The following UBE3A variants were observed in gnomAD, a reference collection of about 807,000 sequenced individuals.
UBE3A encodes ubiquitin-protein ligase E3A.
A neutral mutation model predicts 83.4 loss-of-function variants in UBE3A; 6 were observed. The ratio of observed to expected loss-of-function variants is 0.07; its 90% CI spans 0.04 to 0.14. The LOEUF (loss-of-function observed/expected upper bound fraction) is 0.14. Ranked by LOEUF, UBE3A falls within the 10% of genes least tolerant of loss-of-function variation. UBE3A has a pLI of 1.00. For synonymous variants in UBE3A, 337 were observed against 355.4 expected (o/e 0.95, Z 0.58); for missense variants, 456 against 1,036.1 (o/e 0.44, Z 7.69).
At chr15:25,429,214 A>G (rs774510533) in intron 1 of UBE3A, among the ~76,000 whole-genome samples, 1 of 152,230 alleles carries the variant, frequency 6.6e-6, no homozygotes, top group Non-Finnish European at 1.5e-5. Context: ...AAGGATGTGA[A>G]ATTTACTTAA....
intron 4 of UBE3A, among the ~76,000 whole-genome samples, chr15:25,388,590 G>A (rs2083626332): frequency 6.6e-6 from 1 of 151,972 alleles, no homozygotes; most frequent in African/African-American, 2.4e-5. Context: ...ACTCCATACT[G>A]GAAGTCCTAG....
chr15:25,426,141 TTAAG>T (rs56205767), intron 1 of UBE3A, among the ~76,000 whole-genome samples: 3,219 of 152,330 alleles, frequency 0.021, 74 homozygotes, highest in Middle Eastern at 0.051. Flanking sequence ...AAATATTTAC[TTAAG>T]TGTTTTATTA....
Position 25,370,555 on chromosome 15 carries a change from GCC to G in UBE3A, c.1608+9_1608+10del. On this transcript the variant is annotated intron_variant, in intron 6 of 12. Coordinates refer to ENST00000648336, the MANE Select transcript of UBE3A (RefSeq NM_130839.5). This position sits in a 1 kb window ranked among gnomAD's most constrained non-coding sequence, Gnocchi z 4.2. ...CCATTATTAGGTTTTTAATCTAGCA[GCC>G]CAACTTACCCGGACAAGTGCATCAT... 6.2e-7 allele frequency: 1 copy of G among 1,613,884 alleles called. No homozygotes were observed. The highest frequency in any genetic ancestry group is 8.5e-7 in the Non-Finnish European group (1 of 1,179,938).
intron 1 of UBE3A, among the ~76,000 whole-genome samples, chr15:25,434,283 A>T (rs1894344518): frequency 1.3e-5 from 2 of 150,122 alleles, no homozygotes; most frequent in Non-Finnish European, 2.9e-5. Context: ...TCATTTGATT[A>T]AAAAAAAGGA....
In UBE3A at chr15:25,336,804, C is replaced by A. The variant is rs1332840446; in HGVS notation, c.*2333G>T. 1 of 152,062 alleles carries A rather than the reference C, an allele frequency of 6.6e-6. No individual in the cohort carries two copies. The highest frequency in any genetic ancestry group is 6.6e-5 in the Admixed American group (1 of 15,262). The allele number at this position is 152,062 out of a possible 1,614,324, so 9.4% of individuals were successfully genotyped here. A position where few individuals can be genotyped will look rare whatever the true frequency, so the allele number is the denominator to read the frequency against. ...GTTCCTTTTTTTCCCTCCAGAGCTTCCTGGAGATTGAGGTCTAATTCAAAG... is the reference window on the plus strand; with the variant it reads ...GTTCCTTTTTTTCCCTCCAGAGCTTACTGGAGATTGAGGTCTAATTCAAAG... On this transcript the variant is annotated 3_prime_UTR_variant, in exon 13 of 13. Transcript: ENST00000648336.
At chr15:25,415,315 T>G (rs2090675558) in intron 1 of UBE3A, among the ~76,000 whole-genome samples, 1 of 152,138 alleles carries the variant, frequency 6.6e-6, no homozygotes, top group Non-Finnish European at 1.5e-5. Context: ...CAGAATAAAT[T>G]TCTAACTCCT....
At chr15:25,355,051 A>G (rs2077039817) in intron 9 of UBE3A, among the ~76,000 whole-genome samples, 4 of 152,220 alleles carry the variant, frequency 2.6e-5, no homozygotes, top group Admixed American at 2.6e-4. Flanking sequence ...ATTAAACAGA[A>G]CTGAATATAA....
At chr15:25,353,098 T>C (rs1432317937) in intron 11 of UBE3A, among the ~76,000 whole-genome samples, 1 of 152,218 alleles carries the variant, frequency 6.6e-6, no homozygotes, top group Admixed American at 6.5e-5. Flanking sequence ...GAGATATTGC[T>C]GTTATACTCC....
chr15:25,384,107 A>G (rs1286104067), intron 4 of UBE3A, among the ~76,000 whole-genome samples: 1 of 152,202 alleles, frequency 6.6e-6, no homozygotes, highest in Non-Finnish European at 1.5e-5. Context: ...GAAATCAAAG[A>G]GTAAAAAATA....
At chr15:25,378,732 A>G (rs1350400812) in intron 4 of UBE3A, among the ~76,000 whole-genome samples, 4 of 152,172 alleles carry the variant, frequency 2.6e-5, no homozygotes, top group African/African-American at 9.7e-5. Flanking sequence ...ATTTTTTAAC[A>G]TGAGTAATAC....
intron 5 of UBE3A, chr15:25,374,602 A>G (rs2080879248): frequency 6.6e-6 from 1 of 152,288 alleles, no homozygotes; most frequent in African/African-American, 2.4e-5. Flanking sequence ...AGTAGAGGTT[A>G]TAACACAATG....
chr15:25,358,327 C>G (rs944459161), intron 7 of UBE3A, among the ~76,000 whole-genome samples: 1 of 151,532 alleles, frequency 6.6e-6, no homozygotes, highest in Non-Finnish European at 1.5e-5. Flanking sequence ...TGCAGTGAGC[C>G]GAGACAGAAC....
intron 4 of UBE3A, among the ~76,000 whole-genome samples, chr15:25,398,767 T>TTTTATATA (rs1555415650): frequency 1.5e-4 from 10 of 67,134 alleles, no homozygotes; most frequent in African/African-American, 5.0e-4. Context: ...TTTTATTCTT[T>TTTTATATA]TATTTATATA....
chr15:25,367,177 TTGTAAATA>T lies in UBE3A; in HGVS notation c.1608+3381_1608+3388del, dbSNP rs1191695358. Among the ~76,000 whole-genome samples the T allele has an allele frequency of 4.2e-5, 4 of 94,196 alleles. No homozygotes were observed. In the South Asian group the frequency reaches 8.3e-4, roughly 20 times the overall value. 61.8% of individuals were successfully genotyped at this position (94,196 alleles called of 152,430 possible). On this transcript the variant is annotated intron_variant, in intron 6 of 12. Coordinates refer to ENST00000648336, the MANE Select transcript of UBE3A (RefSeq NM_130839.5). Reference sequence around the variant, plus strand: ...CACACAAATGGGTATATTTACATATTTGTAAATATGTAAATATTTACATATTTGTAAAT... The same window carrying T: ...CACACAAATGGGTATATTTACATATTTGTAAATATTTACATATTTGTAAAT...
chr15:25,348,535 C>G (rs1326266500), intron 11 of UBE3A, among the ~76,000 whole-genome samples: 1 of 152,044 alleles, frequency 6.6e-6, no homozygotes, highest in Non-Finnish European at 1.5e-5. Flanking sequence ...AAGAAAGAAA[C>G]CTGTCTTGAT....
intron 4 of UBE3A, among the ~76,000 whole-genome samples, chr15:25,379,834 T>C (rs1053450784): frequency 6.6e-6 from 1 of 152,142 alleles, no homozygotes; most frequent in African/African-American, 2.4e-5. Context: ...TGGAAAAAGT[T>C]TGAAAAATAA....
At chr15:25,369,387 A>C (rs1312834420) in intron 6 of UBE3A, among the ~76,000 whole-genome samples, 17 of 146,196 alleles carry the variant, frequency 1.2e-4, no homozygotes, top group South Asian at 4.2e-4. Flanking sequence ...AAAAAAAAAA[A>C]ACACACAAAA....
intron 1 of UBE3A, among the ~76,000 whole-genome samples, chr15:25,419,739 T>C (rs1888779904): frequency 6.6e-6 from 1 of 152,082 alleles, no homozygotes; most frequent in Non-Finnish European, 1.5e-5. Context: ...AATGTTAAGA[T>C]CATAATACCA....
chr15:25,408,997 C>G (rs987936681), intron 3 of UBE3A, 91 bp downstream of exon 3: 85 of 1,342,754 alleles, frequency 6.3e-5, no homozygotes, highest in Non-Finnish European at 8.3e-5. Context: ...TAGCAGTATT[C>G]CTGCCAACTA....
Sources: allele counts gnomAD v4.1 joint callset (sites outside exome capture counted in the v4.1 genomes callset), GRCh38; gene constraint gnomAD v4.1.1; non-coding constraint Gnocchi (gnomAD v3.1); transcripts MANE v1.5; gene names NCBI Gene and HGNC (gene_info 2026-07-23, HGNC 2026-07-21).